BRINP3: variants seen among roughly 807,000 people sequenced by gnomAD.
BRINP3 encodes BMP/retinoic acid-inducible neural-specific protein 3.
A neutral mutation model predicts 71.0 loss-of-function variants in BRINP3; 19 were observed. The observed-to-expected ratio is 0.27, with a 90% CI of 0.19 to 0.39. The LOEUF is 0.39. Ranked by LOEUF, BRINP3 falls within the 10% of genes least tolerant of loss-of-function variation. The pLI is 1.00. For synonymous variants in BRINP3, 380 were observed against 337.7 expected, an observed-to-expected ratio of 1.13 and a Z score of -1.37; for missense variants, 959 against 940.8, an observed-to-expected ratio of 1.02 and a Z score of -0.25.
At chr1:190,313,430 G>T (rs926331826) in intron 2 of BRINP3, among the ~76,000 whole-genome samples, 1 of 151,948 alleles carries the variant, frequency 6.6e-6, no homozygotes. Flanking sequence ...TGGTAAAAAT[G>T]GTAAAAGCAT....
intron 2 of BRINP3, among the ~76,000 whole-genome samples, chr1:190,343,117 A>T (rs1667778000): frequency 1.3e-5 from 2 of 151,856 alleles, no homozygotes; most frequent in South Asian, 4.1e-4. Context: ...GCGATGTATC[A>T]ATTATTGATT....
chr1:190,161,146 A>G (rs1473885188), intron 6 of BRINP3, among the ~76,000 whole-genome samples: 1 of 152,116 alleles, frequency 6.6e-6, no homozygotes, highest in African/African-American at 2.4e-5. Flanking sequence ...TTTGTGCTAA[A>G]GCAAATAGTT....
At chr1:190,374,012 A>G (rs980659954) in intron 2 of BRINP3, among the ~76,000 whole-genome samples, 1 of 151,492 alleles carries the variant, frequency 6.6e-6, no homozygotes, top group Admixed American at 6.6e-5. Flanking sequence ...AAGTGGGTAC[A>G]CTTAGGGGCA....
chr1:190,380,543 T>G (rs534293686), intron 2 of BRINP3, among the ~76,000 whole-genome samples: 25 of 152,108 alleles, frequency 1.6e-4, no homozygotes, highest in Non-Finnish European at 3.1e-4. Flanking sequence ...CTCAATGAGA[T>G]TCTGGAGATA....
At chr1:190,348,574 C>G (rs975770476) in intron 2 of BRINP3, among the ~76,000 whole-genome samples, 5 of 152,108 alleles carry the variant, frequency 3.3e-5, no homozygotes, top group Admixed American at 1.3e-4. Flanking sequence ...AATTTATGCA[C>G]AAATCATTGC....
chr1:190,468,864 T>C (rs1430795317), intron 1 of BRINP3, among the ~76,000 whole-genome samples: 1 of 149,236 alleles, frequency 6.7e-6, no homozygotes, highest in Non-Finnish European at 1.5e-5. Context: ...GTCCTTTAAA[T>C]TTTTTTTTTC....
At position 190,099,021 on chromosome 1, in the gene BRINP3, A is replaced by G. The variant is rs750456251; in HGVS notation, c.1298T>C (p.Val433Ala). The G allele has an allele frequency of 6.2e-7, 1 of 1,614,200 alleles. No homozygotes were observed. The highest frequency in any genetic ancestry group is 8.5e-7 in the Non-Finnish European group (1 of 1,180,034). The change falls in exon 8 of 8, where the codon GTG (valine) becomes GCG (alanine). Residue 433 changes from valine (V) to alanine (A), a missense_variant. Transcript: ENST00000367462. ...GCAGGGCAGGAACGCGGTGCAGACC[A>G]CCTGGTCATTCGGACACGTGCACGA... is the stretch of plus-strand genomic sequence containing the variant. ...THSCTCPNDQ[V>A]VCTAFLPCTV...
intron 2 of BRINP3, among the ~76,000 whole-genome samples, chr1:190,417,838 G>C (rs140016375): frequency 3.2e-4 from 49 of 152,292 alleles, no homozygotes; most frequent in Middle Eastern, 6.8e-3. Context: ...ATTGGAAGCT[G>C]TGTGCCATTT....
At chr1:190,117,267 C>A (rs540887124) in intron 7 of BRINP3, among the ~76,000 whole-genome samples, 56 of 152,024 alleles carry the variant, frequency 3.7e-4, no homozygotes, top group African/African-American at 1.3e-3. Flanking sequence ...GAAATGTGCA[C>A]ATAACAATAC....
At chr1:190,127,011 C>A (rs1422412690) in intron 7 of BRINP3, among the ~76,000 whole-genome samples, 1 of 151,794 alleles carries the variant, frequency 6.6e-6, no homozygotes, top group Admixed American at 6.6e-5. Context: ...AATTTGATCA[C>A]AAACAGTATT....
At chr1:190,136,989 T>A (rs1655026164) in intron 7 of BRINP3, among the ~76,000 whole-genome samples, 1 of 152,120 alleles carries the variant, frequency 6.6e-6, no homozygotes. Flanking sequence ...CAAATTAATC[T>A]ATTATAAGTT....
At chr1:190,462,299 A>G (rs1676449046) in intron 1 of BRINP3, among the ~76,000 whole-genome samples, 1 of 152,162 alleles carries the variant, frequency 6.6e-6, no homozygotes, top group Non-Finnish European at 1.5e-5. Context: ...CATAACAATA[A>G]GAGATTATCA....
intron 2 of BRINP3, among the ~76,000 whole-genome samples, chr1:190,425,328 C>T (rs1673632029): frequency 6.6e-6 from 1 of 151,698 alleles, no homozygotes; most frequent in Non-Finnish European, 1.5e-5. Flanking sequence ...AATTTCAAAG[C>T]AATACCAATT....
intron 2 of BRINP3, among the ~76,000 whole-genome samples, chr1:190,355,012 T>G (rs1253152063): frequency 6.6e-6 from 1 of 151,932 alleles, no homozygotes; most frequent in African/African-American, 2.4e-5. Context: ...CTAGTCTTTC[T>G]AAATTCTTCA....
chr1:190,215,212 G>C (rs1378316958), intron 6 of BRINP3, among the ~76,000 whole-genome samples: 1 of 151,620 alleles, frequency 6.6e-6, no homozygotes. Context: ...CATAGACATG[G>C]AAACAGATTA....
At chr1:190,104,560 G>T (rs139262323) in intron 7 of BRINP3, among the ~76,000 whole-genome samples, 1 of 151,418 alleles carries the variant, frequency 6.6e-6, no homozygotes, top group Non-Finnish European at 1.5e-5. Context: ...ATGCACTCAC[G>T]CATAGTATTA....
At chr1:190,212,632 T>A (rs147052490) in intron 6 of BRINP3, among the ~76,000 whole-genome samples, 1 of 152,126 alleles carries the variant, frequency 6.6e-6, no homozygotes, top group African/African-American at 2.4e-5. Flanking sequence ...CTCCAGGCAA[T>A]GTGAAGTGGC....
intron 6 of BRINP3, among the ~76,000 whole-genome samples, chr1:190,165,591 T>A (rs759201445): frequency 1.3e-5 from 2 of 151,548 alleles, no homozygotes; most frequent in African/African-American, 4.9e-5. Flanking sequence ...TCAATGTTAT[T>A]GCTCAACCAG....
At chr1:190,111,180 A>AT (rs1300653060) in intron 7 of BRINP3, among the ~76,000 whole-genome samples, 8 of 59,798 alleles carry the variant, frequency 1.3e-4, no homozygotes, top group Non-Finnish European at 2.4e-4. Context: ...GCAAGACTCC[A>AT]TTAAAAAAAA....
Sources: gnomAD v4.1 joint callset for allele counts (sites outside exome capture counted in the v4.1 genomes callset) on GRCh38, gnomAD v4.1.1 for gene constraint, MANE v1.5 for transcripts, NCBI Gene and HGNC (gene_info 2026-07-23, HGNC 2026-07-21) for gene names.